HMBOX1: variants seen among roughly 807,000 people sequenced by gnomAD.
The protein encoded by HMBOX1 is homeobox-containing protein 1.
In HMBOX1, 14 loss-of-function variants were observed where a neutral mutation model predicts 54.5. The ratio of observed to expected loss-of-function variants is 0.26; its 90% CI spans 0.17 to 0.40. HMBOX1 has a LOEUF of 0.40. HMBOX1 is among the 10% of genes least tolerant of loss of function. HMBOX1 has a pLI of 1.00. For missense variants in HMBOX1, 332 were observed against 514.4 expected (o/e 0.65, Z 3.43); for synonymous variants, 160 against 181.0 (o/e 0.88, Z 0.93).
chr8:29,019,015 C>G, intron 6 of HMBOX1, 102 bp downstream of exon 6: 1 of 1,012,742 alleles, frequency 9.9e-7, no homozygotes, highest in South Asian at 1.6e-5. Context: ...AACTTGGTAT[C>G]TTGGTTCTAT....
chr8:29,035,194 G>C lies in HMBOX1; in HGVS notation c.852-10167G>C, dbSNP rs147081633. Among the ~76,000 whole-genome samples the C allele has an allele frequency of 3.3e-5, 5 of 152,230 alleles. No individual in the cohort carries two copies. In the East Asian group the frequency reaches 7.7e-4, roughly 23 times the overall value. On this transcript the variant is annotated intron_variant, in intron 6 of 9. Coordinates refer to ENST00000287701, the MANE Select transcript of HMBOX1 (RefSeq NM_001135726.3). ...TTTAGATACAGACAATAGCCTTTTA[G>C]TCAGAGGTAGTCATTTTGCAGAAGC...
At chr8:29,038,642 A>G (rs1362834657) in intron 6 of HMBOX1, among the ~76,000 whole-genome samples, 2 of 152,146 alleles carry the variant, frequency 1.3e-5, no homozygotes, top group Non-Finnish European at 2.9e-5. Context: ...TCTTGAATGC[A>G]TTTTATCACC....
At chr8:28,973,822 T>TTTG (rs1827913707) in intron 3 of HMBOX1, among the ~76,000 whole-genome samples, 1 of 133,584 alleles carries the variant, frequency 7.5e-6, no homozygotes, top group African/African-American at 3.0e-5. Context: ...TTTTTTTTTT[T>TTTG]TTTTTTTTTT....
intron 1 of HMBOX1, among the ~76,000 whole-genome samples, chr8:28,899,135 T>C (rs1812721178): frequency 6.6e-6 from 1 of 152,172 alleles, no homozygotes. Flanking sequence ...ACCAGAAAGA[T>C]GACAAAGTAG....
At chr8:29,049,081 G>T in intron 9 of HMBOX1, 33 bp downstream of exon 9, 1 of 1,595,812 alleles carries the variant, frequency 6.3e-7, no homozygotes, top group East Asian at 2.2e-5. Context: ...GAGGTTCTTG[G>T]TGCCTGAGCA....
In HMBOX1 at chr8:28,920,235, G is replaced by A. The variant is rs181284180; in HGVS notation, c.-58+29557G>A. On this transcript the variant is annotated intron_variant, in intron 1 of 9. Transcript: ENST00000287701. ...ACTTGTGCCTCTCTGCATCAAATTC[G>A]TTAACCTGTTTTTATTAACTAATTT... is the stretch of plus-strand genomic sequence containing the variant. Among the ~76,000 whole-genome samples the A allele has an allele frequency of 1.0e-3, 157 of 152,142 alleles. 1 individual carries two copies. Among genetic ancestry groups the A allele is most frequent in the African/African-American group, 3.7e-3 (152 of 41,500 alleles).
intron 4 of HMBOX1, among the ~76,000 whole-genome samples, chr8:28,986,830 TCTTTTAAACATAATACATGAAGTTA>T (rs1224028896): frequency 6.6e-6 from 1 of 152,200 alleles, no homozygotes; most frequent in Non-Finnish European, 1.5e-5. Flanking sequence ...AAAACTATTT[TCTTTTAAACATAATACATGAAGTTA>T]CTTTTTTTTC....
At chr8:28,946,711 T>A (rs1822543453) in intron 1 of HMBOX1, among the ~76,000 whole-genome samples, 1 of 152,212 alleles carries the variant, frequency 6.6e-6, no homozygotes, top group Non-Finnish European at 1.5e-5. Flanking sequence ...TAAAAGAATT[T>A]AAAGCCAATT....
chr8:28,906,094 C>T (rs915221729), intron 1 of HMBOX1, among the ~76,000 whole-genome samples: 6 of 152,206 alleles, frequency 3.9e-5, no homozygotes, highest in Non-Finnish European at 7.3e-5. Flanking sequence ...ATTTTAGATA[C>T]TCTAATGAAT....
chr8:28,974,390 C>T (rs564662479), intron 3 of HMBOX1, among the ~76,000 whole-genome samples: 2 of 152,138 alleles, frequency 1.3e-5, no homozygotes, highest in Non-Finnish European at 1.5e-5. Flanking sequence ...GTATACATAT[C>T]TGCTAATATA....
intron 5 of HMBOX1, chr8:29,009,415 G>A (rs1833915053): frequency 1.0e-6 from 1 of 970,900 alleles, no homozygotes; most frequent in Non-Finnish European, 1.2e-6. Context: ...ACACCTCTTT[G>A]CTTTCAGGTT....
chr8:29,048,089 G>A lies in HMBOX1; in HGVS notation c.1030+636G>A, dbSNP rs898711753. ...AGATACTTGTAAGATCTTGAGAAAGGGAATGTAATACCCAGAATTTCTTCA... is the reference window on the plus strand; with the variant it reads ...AGATACTTGTAAGATCTTGAGAAAGAGAATGTAATACCCAGAATTTCTTCA... On this transcript the variant is annotated intron_variant, in intron 8 of 9. Transcript: ENST00000287701. 2.6e-5 allele frequency among the ~76,000 whole-genome samples: 4 copies of A among 152,104 alleles called. No homozygotes were observed. The South Asian group carries it at 6.2e-4, about 24-fold the overall frequency.
intron 4 of HMBOX1, among the ~76,000 whole-genome samples, chr8:28,993,603 T>C (rs1036057812): frequency 2.6e-5 from 4 of 152,342 alleles, no homozygotes; most frequent in Admixed American, 1.3e-4. Flanking sequence ...GGATGGAAGA[T>C]GACTTATTTT....
intron 4 of HMBOX1, among the ~76,000 whole-genome samples, chr8:28,991,108 C>CT (rs563876747): frequency 5.3e-4 from 80 of 152,038 alleles, no homozygotes; most frequent in East Asian, 1.3e-3. Flanking sequence ...GCAAATGTGC[C>CT]TTTTTTTTAT....
intron 4 of HMBOX1, among the ~76,000 whole-genome samples, chr8:28,997,407 C>T (rs958957322): frequency 1.3e-5 from 2 of 152,030 alleles, no homozygotes; most frequent in South Asian, 2.1e-4. Context: ...CATTGATTTT[C>T]GTGTGTTGAG....
chr8:29,014,421 A>G (rs1259378685), intron 5 of HMBOX1, among the ~76,000 whole-genome samples: 2 of 152,134 alleles, frequency 1.3e-5, no homozygotes, highest in Non-Finnish European at 2.9e-5. Flanking sequence ...TGTTAGAGTC[A>G]GTAATTTTGA....
intron 1 of HMBOX1, among the ~76,000 whole-genome samples, chr8:28,957,628 G>A (rs905762545): frequency 5.3e-5 from 8 of 151,992 alleles, no homozygotes; most frequent in Non-Finnish European, 1.2e-4. Context: ...TTTTACTATT[G>A]TTATTATTTT....
intron 6 of HMBOX1, among the ~76,000 whole-genome samples, chr8:29,030,499 G>A (rs1236633087): frequency 1.3e-5 from 2 of 152,142 alleles, no homozygotes; most frequent in African/African-American, 4.8e-5. Flanking sequence ...GATTACAGGT[G>A]TGAGCCACAA....
In HMBOX1 at chr8:28,970,644, T is replaced by G; in HGVS notation, c.500+125T>G. On this transcript the variant is annotated intron_variant, in intron 3 of 9. Coordinates refer to ENST00000287701, the MANE Select transcript of HMBOX1 (RefSeq NM_001135726.3). This position sits in a 1 kb window ranked among gnomAD's most constrained non-coding sequence, Gnocchi z 4.3. ...TAACTTCCTCTAGCTATAAGAACTG[T>G]AACTTCCTCCTCCCACCTTTGGAGA... 1 of 607,868 alleles carries G rather than the reference T, an allele frequency of 1.6e-6. No individual in the cohort carries two copies. Among genetic ancestry groups the G allele is most frequent in the East Asian group, 2.7e-5 (1 of 37,648 alleles). 37.7% of individuals were successfully genotyped at this position (607,868 alleles called of 1,614,324 possible).
Sources: allele counts gnomAD v4.1 joint callset (sites outside exome capture counted in the v4.1 genomes callset), GRCh38; gene constraint gnomAD v4.1.1; non-coding constraint Gnocchi (gnomAD v3.1); transcripts MANE v1.5; gene names NCBI Gene and HGNC (gene_info 2026-07-23, HGNC 2026-07-21).